HMG20A: variants seen among roughly 807,000 people sequenced by gnomAD.
HMG20A encodes the protein high mobility group 20A.
A neutral mutation model predicts 43.9 loss-of-function variants in HMG20A; 17 were observed. That is an observed-to-expected ratio of 0.39 (90% CI 0.27 to 0.58). The LOEUF (loss-of-function observed/expected upper bound fraction) is 0.58, where lower values mean the gene tolerates loss of function less well. HMG20A is among the 20% of genes least tolerant of loss of function. The probability of loss-of-function intolerance (pLI) is 0.59; values close to 1 mark genes in which losing one functional copy is unlikely to be tolerated. For missense variants in HMG20A, 341 were observed against 438.2 expected, an observed-to-expected ratio of 0.78 and a Z score of 1.98; for synonymous variants, 132 against 147.5, an observed-to-expected ratio of 0.89 and a Z score of 0.76.
the HMG20A span, among the ~76,000 whole-genome samples, chr15:77,497,964 T>G: frequency 6.6e-6 from 1 of 151,818 alleles, no homozygotes; most frequent in Non-Finnish European, 1.5e-5. Flanking sequence ...TGCACAGCAG[T>G]CCTGACAAGG....
chr15:77,429,408 C>CT (rs34681941), intron 1 of HMG20A, among the ~76,000 whole-genome samples: 12,167 of 152,002 alleles, frequency 0.08, 575 homozygotes, highest in Non-Finnish European at 0.1. Flanking sequence ...TTCATATCTC[C>CT]TTTTTTTCCC....
chr15:77,474,622 A>G (rs1400055914), intron 6 of HMG20A, among the ~76,000 whole-genome samples: 1 of 152,240 alleles, frequency 6.6e-6, no homozygotes, highest in African/African-American at 2.4e-5. Context: ...GTTTGTGTAT[A>G]GTAAAGAAAC....
chr15:77,474,335 A>G (rs1365145917), intron 6 of HMG20A, among the ~76,000 whole-genome samples: 1 of 152,120 alleles, frequency 6.6e-6, no homozygotes, highest in Non-Finnish European at 1.5e-5. Context: ...AAACACTGAG[A>G]CTCAGTGATC....
At chr15:77,470,150 C>T (rs375242924) in intron 4 of HMG20A, among the ~76,000 whole-genome samples, 1 of 152,124 alleles carries the variant, frequency 6.6e-6, no homozygotes, top group African/African-American at 2.4e-5. Flanking sequence ...CTGGCTCTTA[C>T]GCGGGACAAA....
At chr15:77,465,282 A>AAAAAAAG in intron 3 of HMG20A, among the ~76,000 whole-genome samples, 1 of 142,674 alleles carries the variant, frequency 7.0e-6, no homozygotes, top group Middle Eastern at 3.4e-3. Flanking sequence ...AAAAAAAAAA[A>AAAAAAAG]AAAGAAAGAA....
intron 1 of HMG20A, among the ~76,000 whole-genome samples, chr15:77,440,237 T>TTAAGAAATCTTTGCCTA (rs2073596782): frequency 6.6e-6 from 1 of 152,166 alleles, no homozygotes; most frequent in South Asian, 2.1e-4. Flanking sequence ...TTTGTCCTCT[T>TTAAGAAATCTTTGCCTA]TAAGAAATCT....
intron 8 of HMG20A, among the ~76,000 whole-genome samples, chr15:77,478,810 GTGTTTCTTCTTATGTA>G (rs1453240542): frequency 6.6e-6 from 1 of 152,174 alleles, no homozygotes; most frequent in East Asian, 1.9e-4. Context: ...AATCTTGAGA[GTGTTTCTTCTTATGTA>G]TGTTTGTTTG....
chr15:77,447,284 A>C (rs1441521513), intron 1 of HMG20A, among the ~76,000 whole-genome samples: 2 of 152,048 alleles, frequency 1.3e-5, no homozygotes, highest in Non-Finnish European at 2.9e-5. Context: ...AAAAGGCAAC[A>C]CTCTGCTTGT....
intron 9 of HMG20A, 84 bp downstream of exon 9, chr15:77,479,405 C>G: frequency 2.3e-6 from 3 of 1,297,784 alleles, no homozygotes; most frequent in Non-Finnish European, 3.2e-6. Flanking sequence ...CTACTAAAAC[C>G]CTGGGATTAC....
chr15:77,462,772 C>CTTTTTTTTTTTTTT (rs71145836), intron 2 of HMG20A, among the ~76,000 whole-genome samples: 6 of 127,786 alleles, frequency 4.7e-5, no homozygotes, highest in Non-Finnish European at 6.6e-5. Flanking sequence ...TTTTCTTTTT[C>CTTTTTTTTTTTTTT]TTTTTTTTTT....
chr15:77,458,642 A>G (rs909054910), intron 2 of HMG20A, 146 bp downstream of exon 2: 14 of 532,708 alleles, frequency 2.6e-5, no homozygotes, highest in Non-Finnish European at 3.0e-5. Context: ...GACAGCCATC[A>G]TAAACCACTT....
At chr15:77,435,819 C>CTTTTTT (rs35390385) in intron 1 of HMG20A, among the ~76,000 whole-genome samples, 5 of 147,748 alleles carry the variant, frequency 3.4e-5, no homozygotes, top group Non-Finnish European at 4.5e-5. Flanking sequence ...GTAGGTGCAT[C>CTTTTTT]TTTTTTTTTT....
At chr15:77,507,314 C>T in the HMG20A span, among the ~76,000 whole-genome samples, 804 of 152,234 alleles carry the variant, frequency 5.3e-3, 11 homozygotes, top group African/African-American at 0.018. Context: ...CCCTGCTCCC[C>T]ACTGTAAAAG....
intron 6 of HMG20A, among the ~76,000 whole-genome samples, chr15:77,472,918 C>T (rs1466510111): frequency 6.6e-6 from 1 of 152,172 alleles, no homozygotes; most frequent in Admixed American, 6.5e-5. Flanking sequence ...TTATATCCAA[C>T]CCCATACCAC....
intron 1 of HMG20A, among the ~76,000 whole-genome samples, chr15:77,439,600 T>C (rs1289420450): frequency 1.3e-5 from 2 of 152,234 alleles, no homozygotes; most frequent in Non-Finnish European, 2.9e-5. Flanking sequence ...CTGATTTCAT[T>C]GTAGGACTAT....
intron 1 of HMG20A, among the ~76,000 whole-genome samples, chr15:77,455,618 G>T (rs1174026921): frequency 1.3e-5 from 2 of 152,084 alleles, no homozygotes; most frequent in Non-Finnish European, 2.9e-5. Context: ...TGTATAAAGT[G>T]CAGTGAAGAG....
At chr15:77,443,372 TGATGATG>T (rs2073635583) in intron 1 of HMG20A, among the ~76,000 whole-genome samples, 5 of 133,280 alleles carry the variant, frequency 3.8e-5, no homozygotes, top group African/African-American at 1.1e-4. Flanking sequence ...ATGATGATGA[TGATGATG>T]ATTATTATTA....
At chr15:77,433,023 G>A (rs1567390248) in intron 1 of HMG20A, among the ~76,000 whole-genome samples, 1 of 152,078 alleles carries the variant, frequency 6.6e-6, no homozygotes, top group Non-Finnish European at 1.5e-5. Context: ...TTGACATGAA[G>A]AAATAGAATA....
At chr15:77,435,772 G>C (rs1452917967) in intron 1 of HMG20A, among the ~76,000 whole-genome samples, 1 of 151,836 alleles carries the variant, frequency 6.6e-6, no homozygotes, top group African/African-American at 2.4e-5. Flanking sequence ...CAAAAAACTT[G>C]GGCATCTTTT....
Sources: gnomAD v4.1 joint callset for allele counts (sites outside exome capture counted in the v4.1 genomes callset) on GRCh38, gnomAD v4.1.1 for gene constraint, MANE v1.5 for transcripts, NCBI Gene and HGNC (gene_info 2026-07-23, HGNC 2026-07-21) for gene names.